The following ZNF385B variants were observed in gnomAD, a reference collection of about 807,000 sequenced individuals.
ZNF385B encodes zinc finger protein 385B.
Under a neutral mutation model 39.2 loss-of-function variants are expected in ZNF385B, and 23 were observed. The ratio of observed to expected loss-of-function variants is 0.59; its 90% CI spans 0.42 to 0.83. The LOEUF is 0.83. Among genes scored for constraint, ZNF385B ranks in the 40% least tolerant of loss-of-function variants. The probability of loss-of-function intolerance (pLI) is 0.00; values close to 1 mark genes in which losing one functional copy is unlikely to be tolerated. For synonymous variants in ZNF385B, 205 were observed against 222.6 expected (o/e 0.92, Z 0.70); for missense variants, 552 against 598.9 (o/e 0.92, Z 0.82).
At chr2:179,627,600 A>ACACATCTCTTCTCAACTC (rs1483736048) in intron 3 of ZNF385B, among the ~76,000 whole-genome samples, 3 of 152,162 alleles carry the variant, frequency 2.0e-5, no homozygotes, top group African/African-American at 7.2e-5. Context: ...TGCTCAGAGT[A>ACACATCTCTTCTCAACTC]CACATCTCTT....
At chr2:179,481,664 C>A (rs1287161442) in intron 6 of ZNF385B, among the ~76,000 whole-genome samples, 1 of 152,122 alleles carries the variant, frequency 6.6e-6, no homozygotes, top group Non-Finnish European at 1.5e-5. Context: ...GTGGCACTAA[C>A]CTCCATTGTT....
At chr2:179,737,432 C>T (rs777202354) in intron 3 of ZNF385B, among the ~76,000 whole-genome samples, 3 of 152,018 alleles carry the variant, frequency 2.0e-5, no homozygotes, top group African/African-American at 2.4e-5. Flanking sequence ...TTTATGTGGC[C>T]CCCACCTACT....
chr2:179,736,570 G>A (rs149155342), intron 3 of ZNF385B, among the ~76,000 whole-genome samples: 1 of 152,302 alleles, frequency 6.6e-6, no homozygotes, highest in African/African-American at 2.4e-5. Flanking sequence ...GATAAAATGT[G>A]ATAATAACGT....
intron 6 of ZNF385B, among the ~76,000 whole-genome samples, chr2:179,467,134 A>C (rs1486420864): frequency 6.6e-6 from 1 of 152,090 alleles, no homozygotes. Flanking sequence ...CCATATCCCC[A>C]GGTGCATAAT....
intron 3 of ZNF385B, among the ~76,000 whole-genome samples, chr2:179,597,991 T>C (rs1166104122): frequency 6.6e-6 from 1 of 152,154 alleles, no homozygotes; most frequent in Non-Finnish European, 1.5e-5. Context: ...TAATTCCAAG[T>C]TAGCAAGAAT....
chr2:179,476,016 C>CAAAAAAAAAAAAAAAAAAAAAAAAAAAA (rs34327373), intron 6 of ZNF385B, among the ~76,000 whole-genome samples: 1 of 57,014 alleles, frequency 1.8e-5, no homozygotes, highest in Non-Finnish European at 3.2e-5. Flanking sequence ...GCCTCTGTCT[C>CAAAAAAAAAAAAAAAAAAAAAAAAAAAA]AAAAAAAAAA....
At chr2:179,839,141 C>G (rs1004799671) in intron 1 of ZNF385B, among the ~76,000 whole-genome samples, 2 of 152,206 alleles carry the variant, frequency 1.3e-5, no homozygotes, top group African/African-American at 4.8e-5. Context: ...TAGCTGTAGT[C>G]AGCTGACAGC....
intron 5 of ZNF385B, among the ~76,000 whole-genome samples, chr2:179,484,338 C>T (rs2054330473): frequency 6.6e-6 from 1 of 151,272 alleles, no homozygotes; most frequent in East Asian, 1.9e-4. Context: ...TTTGAAAAGA[C>T]TCTGAAAAAA....
chr2:179,751,502 A>G lies in ZNF385B; in HGVS notation c.298+18001T>C, dbSNP rs183768492. On this transcript the variant is annotated intron_variant, in intron 3 of 9. Coordinates refer to ENST00000410066, the MANE Select transcript of ZNF385B (RefSeq NM_152520.6). ...ACATTTTAAATATGCATGAGATGCA[A>G]TGTGATAAATCTGGCCTATGTATTT... Among the ~76,000 whole-genome samples the G allele has an allele frequency of 1.8e-4, 28 of 152,300 alleles. No homozygotes were observed. In the East Asian group the frequency reaches 3.3e-3, roughly 18 times the overall value.
At chr2:179,504,289 G>T (rs567763243) in intron 5 of ZNF385B, among the ~76,000 whole-genome samples, 1 of 151,930 alleles carries the variant, frequency 6.6e-6, no homozygotes, top group Admixed American at 6.6e-5. Flanking sequence ...TTGGACATTT[G>T]GGTTGGTTCC....
intron 1 of ZNF385B, among the ~76,000 whole-genome samples, chr2:179,831,994 T>C (rs1358131704): frequency 6.6e-6 from 1 of 151,908 alleles, no homozygotes; most frequent in African/African-American, 2.4e-5. Context: ...GGGTGTGGAG[T>C]TTCATTTCAA....
In ZNF385B at chr2:179,739,134, T is replaced by A. The variant is rs191775790; in HGVS notation, c.298+30369A>T. On this transcript the variant is annotated intron_variant, in intron 3 of 9. Coordinates refer to ENST00000410066, the MANE Select transcript of ZNF385B (RefSeq NM_152520.6). ...CTTCAGTTTCCCTAATGCTTACCTA[T>A]AGGATTGTTGTAAAGATTAAATGAG... Among the ~76,000 whole-genome samples, 60 of 152,342 alleles carry A rather than the reference T, an allele frequency of 3.9e-4. 1 individual carries two copies. The East Asian group carries it at 0.011, about 27-fold the overall frequency.
At chr2:179,578,063 C>T (rs1012684075) in intron 3 of ZNF385B, among the ~76,000 whole-genome samples, 3 of 152,012 alleles carry the variant, frequency 2.0e-5, no homozygotes, top group Non-Finnish European at 4.4e-5. Flanking sequence ...GTACTCTGAA[C>T]GTGGGATGTA....
intron 3 of ZNF385B, among the ~76,000 whole-genome samples, chr2:179,764,485 C>T (rs1357522311): frequency 6.6e-6 from 1 of 151,812 alleles, no homozygotes; most frequent in African/African-American, 2.4e-5. Context: ...TTATTATTTG[C>T]TTTCTGTTTT....
At chr2:179,457,646 CCTTTT>C (rs2050846626) in intron 6 of ZNF385B, among the ~76,000 whole-genome samples, 1 of 152,094 alleles carries the variant, frequency 6.6e-6, no homozygotes, top group African/African-American at 2.4e-5. Context: ...ATAATGAGCT[CCTTTT>C]CTTTTTTTTA....
chr2:179,695,154 T>C (rs1010567701), intron 3 of ZNF385B, among the ~76,000 whole-genome samples: 2 of 152,204 alleles, frequency 1.3e-5, no homozygotes, highest in African/African-American at 2.4e-5. Flanking sequence ...TAGAGTATGA[T>C]GCTCTTGAGA....
chr2:179,802,043 G>A (rs975722591), intron 1 of ZNF385B, among the ~76,000 whole-genome samples: 3 of 152,062 alleles, frequency 2.0e-5, no homozygotes, highest in East Asian at 1.9e-4. Context: ...CTGAAATAAC[G>A]TAATTCAAAT....
intron 1 of ZNF385B, among the ~76,000 whole-genome samples, chr2:179,785,310 C>CTA (rs1482037734): frequency 3.3e-5 from 5 of 152,056 alleles, no homozygotes; most frequent in African/African-American, 4.8e-5. Context: ...ATCCATTGAT[C>CTA]TATACATTTA....
At chr2:179,754,817 T>C (rs1385009585) in intron 3 of ZNF385B, among the ~76,000 whole-genome samples, 18 of 152,222 alleles carry the variant, frequency 1.2e-4, no homozygotes, top group Admixed American at 6.5e-4. Context: ...TTGATTCTTC[T>C]CTCTTTTCTT....
Sources: gnomAD v4.1 joint callset for allele counts (sites outside exome capture counted in the v4.1 genomes callset) on GRCh38, gnomAD v4.1.1 for gene constraint, MANE v1.5 for transcripts, NCBI Gene and HGNC (gene_info 2026-07-23, HGNC 2026-07-21) for gene names.